The following ZNF674 variants were observed in gnomAD, a reference collection of about 807,000 sequenced individuals.
ZNF674 encodes the protein zinc finger family member 674.
In ZNF674, 2 loss-of-function variants were observed where a neutral mutation model predicts 7.0. The ratio of observed to expected loss-of-function variants is 0.29; its 90% CI spans 0.12 to 0.90. The LOEUF (loss-of-function observed/expected upper bound fraction) is 0.90. Among genes scored for constraint, ZNF674 ranks in the 40% least tolerant of loss-of-function variants. The probability of loss-of-function intolerance (pLI) is 0.57; values close to 1 mark genes in which losing one functional copy is unlikely to be tolerated. For synonymous variants in ZNF674, 103 were observed against 145.2 expected (o/e 0.71, Z 2.09); for missense variants, 297 against 415.5 (o/e 0.71, Z 2.48).
intron 5 of ZNF674, among the ~76,000 whole-genome samples, chrX:46,515,584 A>G (rs1199725588): frequency 1.8e-5 from 2 of 111,034 alleles, no homozygotes; most frequent in East Asian, 5.7e-4. Context: ...TCCTGGGTAT[A>G]TACATGTCAA....
intron 1 of ZNF674, among the ~76,000 whole-genome samples, chrX:46,545,072 C>A (rs1348823868): frequency 8.9e-6 from 1 of 111,937 alleles, no homozygotes; most frequent in South Asian, 3.7e-4. Flanking sequence ...CGTTTTCTCT[C>A]TATAACATGA....
chrX:46,527,070 C>G lies in ZNF674; in HGVS notation c.238+1280G>C, dbSNP rs1169883369. Among the ~76,000 whole-genome samples, 10 of 111,232 alleles carry G rather than the reference C, an allele frequency of 9.0e-5. No individual in the cohort carries two copies. The Admixed American group carries it at 9.6e-4, about 11-fold the overall frequency. On this transcript the variant is annotated intron_variant, in intron 5 of 5. Transcript: ENST00000683375. The stretch of plus-strand genomic sequence containing the variant: ...TCACCTGAGGTCAGTTCGAGACCAG[C>G]CTGGCCAACATGGCAAAACCTCGTC...
intron 5 of ZNF674, among the ~76,000 whole-genome samples, chrX:46,521,813 C>T (rs1376813735): frequency 2.8e-5 from 3 of 108,354 alleles, no homozygotes; most frequent in Non-Finnish European, 3.8e-5. Flanking sequence ...TGCTTCAACC[C>T]AGGAGGCAGA....
intron 3 of ZNF674, among the ~76,000 whole-genome samples, chrX:46,537,245 T>C (rs189030748): frequency 7.3e-5 from 8 of 109,384 alleles, no homozygotes; most frequent in African/African-American, 2.7e-4. Context: ...TACTCCAGCC[T>C]GTAGAGCAAG....
rs778848540 is a variant in ZNF674 at position 46,516,390 on chromosome X, T to C, written c.238+11960A>G. On this transcript the variant is annotated intron_variant, in intron 5 of 5. Transcript: ENST00000683375. Reference sequence around the variant, plus strand: ...CCCAAATACAGGTCCCAGTGACTTATGAACATACAGAAGTCCTGAGTTCAT... The same window carrying C: ...CCCAAATACAGGTCCCAGTGACTTACGAACATACAGAAGTCCTGAGTTCAT... 4.5e-5 allele frequency among the ~76,000 whole-genome samples: 5 copies of C among 112,247 alleles called. No homozygotes were observed. In the East Asian group the frequency reaches 1.4e-3, roughly 31 times the overall value.
chrX:46,509,303 T>G (rs1941601854), intron 5 of ZNF674, among the ~76,000 whole-genome samples: 2 of 107,721 alleles, frequency 1.9e-5, no homozygotes, highest in Non-Finnish European at 3.8e-5. Context: ...CTAATTAAAC[T>G]AAAGAGCTTC....
chrX:46,518,351 C>T (rs1941808396), intron 5 of ZNF674, among the ~76,000 whole-genome samples: 1 of 111,715 alleles, frequency 9.0e-6, no homozygotes, highest in Non-Finnish European at 1.9e-5. Context: ...GATATCTATA[C>T]TGTTGTAAAG....
intron 5 of ZNF674, among the ~76,000 whole-genome samples, chrX:46,526,347 C>T (rs1031239894): frequency 2.7e-5 from 3 of 111,516 alleles, no homozygotes; most frequent in Non-Finnish European, 5.6e-5. Context: ...GGCGTGATCA[C>T]GGCTCACTGC....
At chrX:46,541,625 A>C (rs766815687) in intron 3 of ZNF674, among the ~76,000 whole-genome samples, 1 of 111,903 alleles carries the variant, frequency 8.9e-6, no homozygotes, top group East Asian at 2.8e-4. Context: ...CCACAGTTTC[A>C]CCCAACTGTT....
At chrX:46,516,890 G>A (rs1181222312) in intron 5 of ZNF674, among the ~76,000 whole-genome samples, 2 of 110,438 alleles carry the variant, frequency 1.8e-5, no homozygotes, top group East Asian at 2.8e-4. Flanking sequence ...TTAGCTACTC[G>A]GGAGACTGAG....
chrX:46,532,513 C>T (rs1053313938), intron 3 of ZNF674, among the ~76,000 whole-genome samples: 43 of 111,783 alleles, frequency 3.8e-4, no homozygotes, highest in African/African-American at 1.4e-3. Flanking sequence ...CCCTTTGTCT[C>T]GTTAAGTCGC....
Position 46,500,563 on chromosome X carries a change from A to C in ZNF674, c.1011T>G (p.Thr337=). The C allele has an allele frequency of 1.7e-6, 2 of 1,211,213 alleles. No individual in the cohort carries two copies. The highest frequency in any genetic ancestry group is 2.2e-6 in the Non-Finnish European group (2 of 894,724). Residue 337 remains threonine, a synonymous_variant, in exon 6 of 6, where the codon ACT becomes ACG. Coordinates refer to ENST00000683375, the MANE Select transcript of ZNF674 (RefSeq NM_001190417.2). ...TTCTTTGATATATAAGGCTGGACGT[A>C]GTACATTTAATACCTTTATAAAATG... is the stretch of plus-strand genomic sequence containing the variant. ...RQAFYKGIKC[T]TSSLIYQRIH...
Position 46,500,062 on chromosome X carries a change from C to T in ZNF674, c.1512G>A (p.Lys504=). ...TTCTCTGATGTTTGATGAGAGTTGACTTCCTACTGAAGGCTTTTTTACAGT... is the reference window on the plus strand; with the variant it reads ...TTCTCTGATGTTTGATGAGAGTTGATTTCCTACTGAAGGCTTTTTTACAGT... The part of the protein sequence containing the change: ...CTDCKKAFSR[K]STLIKHQRIH... The change falls in exon 6 of 6, where the codon AAG becomes AAA. Residue 504 remains lysine, a synonymous_variant. Transcript: ENST00000683375. 1 of 1,211,484 alleles carries T rather than the reference C, an allele frequency of 8.3e-7. No homozygotes were observed. The highest frequency in any genetic ancestry group is 1.1e-6 in the Non-Finnish European group (1 of 895,279).
chrX:46,522,704 A>C (rs1162668572), intron 5 of ZNF674, among the ~76,000 whole-genome samples: 1 of 112,007 alleles, frequency 8.9e-6, no homozygotes, highest in Non-Finnish European at 1.9e-5. Context: ...AAGAGTAGGT[A>C]CTTTTAATTG....
intron 3 of ZNF674, among the ~76,000 whole-genome samples, chrX:46,536,178 G>A (rs1343789075): frequency 8.9e-6 from 1 of 111,929 alleles, no homozygotes; most frequent in Non-Finnish European, 1.9e-5. Flanking sequence ...AGCTCTAAAA[G>A]GTCTGGCACA....
rs763993254 is a variant in ZNF674, at chrX:46,498,722, TAAAAAAAAAAA to T, written c.*1110_*1120del. 4.7e-4 allele frequency: 16 copies of T among 34,020 alleles called. No individual in the cohort carries two copies. The highest frequency in any genetic ancestry group is 1.4e-3 in the African/African-American group (15 of 10,888). The allele number at this position is 34,020 out of a possible 1,213,427, so 2.8% of individuals were successfully genotyped here. The stretch of plus-strand genomic sequence containing the variant: ...CAACATGGCAAAACTGCGTCTCTAC[TAAAAAAAAAAA>T]AAAAAAAAAAGAATTAGCCGGGTGT... On this transcript the variant is annotated 3_prime_UTR_variant, in exon 6 of 6. Coordinates refer to ENST00000683375, the MANE Select transcript of ZNF674 (RefSeq NM_001190417.2).
intron 5 of ZNF674, among the ~76,000 whole-genome samples, chrX:46,501,925 T>C (rs1387091249): frequency 2.8e-5 from 3 of 109,009 alleles, no homozygotes; most frequent in Admixed American, 2.0e-4. Context: ...TATATATATA[T>C]ACACATACAC....
chrX:46,536,729 C>T (rs183973221), intron 3 of ZNF674, among the ~76,000 whole-genome samples: 1 of 110,400 alleles, frequency 9.1e-6, no homozygotes, highest in East Asian at 2.8e-4. Context: ...TGCACTTCAG[C>T]CTGGGCAACA....
intron 5 of ZNF674, among the ~76,000 whole-genome samples, chrX:46,518,391 A>G (rs944047958): frequency 5.4e-5 from 6 of 111,537 alleles, no homozygotes; most frequent in South Asian, 3.7e-4. Flanking sequence ...GTATTAAACT[A>G]TAAGTAGAAT....
Sources: allele counts gnomAD v4.1 joint callset (sites outside exome capture counted in the v4.1 genomes callset), GRCh38; gene constraint gnomAD v4.1.1; transcripts MANE v1.5; gene names NCBI Gene and HGNC (gene_info 2026-07-23, HGNC 2026-07-21).